PPM1B: variants seen among roughly 807,000 people sequenced by gnomAD.
PPM1B encodes protein phosphatase, Mg2+/Mn2+ dependent 1B.
In PPM1B, 22 loss-of-function variants were observed where a neutral mutation model predicts 43.0. The observed-to-expected ratio is 0.51, with a 90% confidence interval of 0.37 to 0.73. The LOEUF is 0.73. PPM1B is among the 30% of genes least tolerant of loss of function. The probability of loss-of-function intolerance (pLI) is 0.00; values close to 1 mark genes in which losing one functional copy is unlikely to be tolerated. For missense variants in PPM1B, 632 were observed against 584.2 expected (o/e 1.08, Z -0.84); for synonymous variants, 217 against 197.9 (o/e 1.10, Z -0.81).
At chr2:44,171,282 T>G (rs1409374372) in intron 1 of PPM1B, among the ~76,000 whole-genome samples, 1 of 152,224 alleles carries the variant, frequency 6.6e-6, no homozygotes, top group Non-Finnish European at 1.5e-5. Flanking sequence ...GTAATTCACC[T>G]AATTACTAAA....
At chr2:44,211,542 C>G (rs1198325675) in intron 3 of PPM1B, among the ~76,000 whole-genome samples, 1 of 152,034 alleles carries the variant, frequency 6.6e-6, no homozygotes, top group African/African-American at 2.4e-5. Context: ...TGTTGTCTTT[C>G]AGGTTACTTA....
chr2:44,218,500 T>C lies in PPM1B; in HGVS notation c.1097T>C (p.Val366Ala). ...TTTAGGCGTAATGTTATTGAAGCTGTTTATAGTAGACTGAATCCACATAGA... is the reference window on the plus strand; with the variant it reads ...TTTAGGCGTAATGTTATTGAAGCTGCTTATAGTAGACTGAATCCACATAGA... ...LAGKRNVIEA[V>A]YSRLNPHRES... Residue 366 changes from valine (V) to alanine (A), a missense_variant, in exon 5 of 6, where the codon GTT (valine) becomes GCT (alanine). Around this residue, in one of 3 missense-constraint regions of PPM1B, gnomAD observed 392 missense variants for 302.7 expected, o/e 1.29. Coordinates refer to ENST00000282412, the MANE Select transcript of PPM1B (RefSeq NM_002706.6). The C allele has an allele frequency of 6.3e-7, 1 of 1,587,744 alleles. No individual in the cohort carries two copies. The highest frequency in any genetic ancestry group is 8.5e-7 in the Non-Finnish European group (1 of 1,170,730).
At chr2:44,234,256 C>G (rs1018702353), downstream of PPM1B, 2 of 964,178 alleles carry the variant, frequency 2.1e-6, no homozygotes, top group Non-Finnish European at 1.2e-6. Context: ...TGCATTGGCT[C>G]ACACCTGTAA....
At chr2:44,173,302 G>T (rs1288927117) in intron 1 of PPM1B, among the ~76,000 whole-genome samples, 1 of 152,180 alleles carries the variant, frequency 6.6e-6, no homozygotes, top group East Asian at 1.9e-4. Flanking sequence ...TTATTTCTCA[G>T]AGTATTTAAA....
chr2:44,240,647 G>T (rs1670724203), intron 5 of PPM1B, among the ~76,000 whole-genome samples: 1 of 145,736 alleles, frequency 6.9e-6, no homozygotes, highest in Middle Eastern at 3.6e-3. Context: ...CTTCACCCTG[G>T]TCCCAGATGA....
rs535133355 is a variant in PPM1B, at chr2:44,192,077, C to G, written c.-14-9109C>G. On this transcript the variant is annotated intron_variant, in intron 1 of 5. Transcript: ENST00000282412. Reference sequence around the variant, plus strand: ...TTTGGTTTTTGTGAAGGGGAGGGGTCTGGGGGATTTTACTTTTGATTTTTT... The same window carrying G: ...TTTGGTTTTTGTGAAGGGGAGGGGTGTGGGGGATTTTACTTTTGATTTTTT... Among the ~76,000 whole-genome samples, 65 of 145,600 alleles carry G rather than the reference C, an allele frequency of 4.5e-4. 1 individual carries two copies. The highest frequency in any genetic ancestry group is 2.2e-3 in the South Asian group (10 of 4,632).
chr2:44,232,347 C>T (rs1226676544), downstream of PPM1B: 1 of 1,603,876 alleles, frequency 6.2e-7, no homozygotes, highest in African/African-American at 1.3e-5. Context: ...CCATGGTAGC[C>T]TTAAAAACCT....
chr2:44,209,470 GT>G, intron 3 of PPM1B, 143 bp downstream of exon 3: 1 of 930,602 alleles, frequency 1.1e-6, no homozygotes, highest in Non-Finnish European at 1.5e-6. Flanking sequence ...TATTCTTTTT[GT>G]TTATCAAATG....
intron 1 of PPM1B, among the ~76,000 whole-genome samples, chr2:44,195,355 C>T (rs768675873): frequency 1.9e-4 from 29 of 152,176 alleles, no homozygotes; most frequent in Non-Finnish European, 3.1e-4. Context: ...AGGCATACGC[C>T]ACCATGCTAG....
chr2:44,235,649 T>A (rs1332415417), downstream of PPM1B, among the ~76,000 whole-genome samples: 1 of 149,432 alleles, frequency 6.7e-6, no homozygotes, highest in African/African-American at 2.5e-5. Flanking sequence ...ATGTGGTAGC[T>A]TATGCCTGTA....
chr2:44,239,179 CAAAAAAAAAA>C (rs1193340508), downstream of PPM1B, among the ~76,000 whole-genome samples: 33 of 89,636 alleles, frequency 3.7e-4, no homozygotes, highest in Admixed American at 1.8e-3. Flanking sequence ...GTCTCTAATA[CAAAAAAAAAA>C]AAAAAAAAAA....
downstream of PPM1B, chr2:44,244,490 A>T: frequency 2.4e-6 from 2 of 824,440 alleles, no homozygotes; most frequent in Non-Finnish European, 3.1e-6. Context: ...CCATGTGATA[A>T]ACACCTGTGG....
At chr2:44,185,539 G>C (rs1186577876) in intron 1 of PPM1B, among the ~76,000 whole-genome samples, 3 of 152,176 alleles carry the variant, frequency 2.0e-5, no homozygotes, top group African/African-American at 7.2e-5. Context: ...AGAGGGGTAA[G>C]TTACACTGTT....
At position 44,202,245 on chromosome 2, in the gene PPM1B, G is replaced by C. The variant is rs142601102; in HGVS notation, c.846+200G>C. On this transcript the variant is annotated intron_variant, in intron 2 of 5. Transcript: ENST00000282412. ...GCCTTCTAATTTGAAAATTAAGCTT[G>C]ATAAATTTGAGGCATTTGTTGTCAT... Among the ~76,000 whole-genome samples, 52 of 152,278 alleles carry C rather than the reference G, an allele frequency of 3.4e-4. 1 individual carries two copies. The highest frequency in any genetic ancestry group is 1.9e-3 in the South Asian group (9 of 4,814).
downstream of PPM1B, among the ~76,000 whole-genome samples, chr2:44,237,698 C>G (rs183640361): frequency 7.2e-5 from 11 of 152,186 alleles, no homozygotes; most frequent in Admixed American, 5.2e-4. Flanking sequence ...TAAATCTGTG[C>G]AACAAATGTA....
chr2:44,211,250 C>G (rs888009729), intron 3 of PPM1B, among the ~76,000 whole-genome samples: 5 of 152,230 alleles, frequency 3.3e-5, no homozygotes, highest in Non-Finnish European at 5.9e-5. Context: ...AGGATGCAGT[C>G]TAGAGCATGT....
chr2:44,218,464 T>TG lies in PPM1B; in HGVS notation c.1077-15dup. The stretch of plus-strand genomic sequence containing the variant: ...TGTGTAATTTAATAAAACTAAAGCA[T>TG]GTTTTTTTTTTTTAGGCGTAATGTT... On this transcript the variant is annotated splice_polypyrimidine_tract_variant and intron_variant, in intron 4 of 5. Transcript: ENST00000282412. 1 of 1,500,408 alleles carries TG rather than the reference T, an allele frequency of 6.7e-7. No individual in the cohort carries two copies. The highest frequency in any genetic ancestry group is 9.1e-7 in the Non-Finnish European group (1 of 1,097,434). The allele number at this position is 1,500,408 out of a possible 1,614,324, so 92.9% of individuals were successfully genotyped here.
rs919692895 is a variant in PPM1B, at chr2:44,207,833, G to A, written c.847-1377G>A. 3.3e-5 allele frequency among the ~76,000 whole-genome samples: 5 copies of A among 150,972 alleles called. No homozygotes were observed. The East Asian group carries it at 7.8e-4, about 23-fold the overall frequency. ...CTTGGGCTAAAATAGTCTGCTCACC[G>A]AGGCCTCCCGAAGTGCTGGGATTAT... On this transcript the variant is annotated intron_variant, in intron 2 of 5. Coordinates refer to ENST00000282412, the MANE Select transcript of PPM1B (RefSeq NM_002706.6).
At chr2:44,174,349 A>G (rs1667483355) in intron 1 of PPM1B, among the ~76,000 whole-genome samples, 1 of 152,244 alleles carries the variant, frequency 6.6e-6, no homozygotes, top group African/African-American at 2.4e-5. Flanking sequence ...GAAGCCATGT[A>G]TTGACTATTA....
Sources: allele counts gnomAD v4.1 joint callset (sites outside exome capture counted in the v4.1 genomes callset), GRCh38; gene constraint gnomAD v4.1.1; regional missense constraint gnomAD v4.1.1; transcripts MANE v1.5; gene names NCBI Gene and HGNC (gene_info 2026-07-23, HGNC 2026-07-21).